The following ABL1 variants were observed in gnomAD, a reference collection of about 807,000 sequenced individuals.
ABL1 encodes ABL proto-oncogene 1, non-receptor tyrosine kinase.
A neutral mutation model predicts 94.7 loss-of-function variants in ABL1; 11 were observed. The observed-to-expected ratio is 0.12, with a 90% CI of 0.07 to 0.19. The LOEUF (loss-of-function observed/expected upper bound fraction) is 0.19. Among genes scored for constraint, ABL1 ranks in the 10% least tolerant of loss-of-function variants. ABL1 has a pLI of 1.00. For missense variants in ABL1, 1,082 were observed against 1,489.4 expected (o/e 0.73, Z 4.50); for synonymous variants, 656 against 622.4 (o/e 1.05, Z -0.80).
At chr9:130,742,972 AATT>A (rs1473049839) in intron 1 of ABL1, among the ~76,000 whole-genome samples, 1 of 152,218 alleles carries the variant, frequency 6.6e-6, no homozygotes, top group African/African-American at 2.4e-5. Flanking sequence ...GTTTCTAAAA[AATT>A]ATTATTAATG....
chr9:130,818,427 A>T (rs1225226442), intron 1 of ABL1, among the ~76,000 whole-genome samples: 1 of 152,184 alleles, frequency 6.6e-6, no homozygotes, highest in African/African-American at 2.4e-5. Context: ...CTGAGATCAT[A>T]CTGCTGCACT....
At position 130,854,933 on chromosome 9, in the gene ABL1, A is replaced by G; in HGVS notation, c.386A>G (p.His129Arg). ...VNSLEKHSWY[H>R]GPVSRNAAEY... is the part of the protein sequence containing the mutation. The stretch of plus-strand genomic sequence containing the variant: ...AGTCTGGAGAAACACTCCTGGTACC[A>G]TGGGCCTGTGTCCCGCAATGCCGCT... Residue 129 changes from histidine to arginine, a missense_variant, in exon 3 of 11, where the codon CAT (histidine) becomes CGT (arginine). Physicochemically the swap from His to Arg is conservative, Grantham distance 29. Coordinates refer to ENST00000318560, the MANE Select transcript of ABL1 (RefSeq NM_005157.6). 1.2e-6 allele frequency: 2 copies of G among 1,614,226 alleles called. No homozygotes were observed. The highest frequency in any genetic ancestry group is 1.7e-5 in the Admixed American group (1 of 60,022).
chr9:130,849,807 G>A (rs1050494527), intron 1 of ABL1, among the ~76,000 whole-genome samples: 9 of 152,158 alleles, frequency 5.9e-5, no homozygotes, highest in Non-Finnish European at 1.2e-4. Flanking sequence ...GTGAGCCACC[G>A]CACCTGGCCT....
intron 1 of ABL1, among the ~76,000 whole-genome samples, chr9:130,829,749 A>G (rs1035514261): frequency 6.6e-6 from 1 of 152,222 alleles, no homozygotes; most frequent in Admixed American, 6.5e-5. Flanking sequence ...AATAAAGGAA[A>G]CATTCATAGT....
chr9:130,783,414 A>G (rs1323715584), intron 1 of ABL1, among the ~76,000 whole-genome samples: 2 of 152,208 alleles, frequency 1.3e-5, no homozygotes, highest in African/African-American at 2.4e-5. Context: ...GTTCATAAAG[A>G]TGTATTCTGA....
At position 130,862,476 on chromosome 9, in the gene ABL1, G is replaced by A. The variant is rs1831089780; in HGVS notation, c.550-287G>A. ...AAACTGGCCTTGGAACGGGAAGCGA[G>A]AACTGGGCACGGAAGATGAGGGAGT... On this transcript the variant is annotated intron_variant, in intron 3 of 10. Transcript: ENST00000318560. This position sits in a 1 kb window ranked among gnomAD's most constrained non-coding sequence, Gnocchi z 5.5. Among the ~76,000 whole-genome samples the A allele has an allele frequency of 6.6e-6, 1 of 152,210 alleles. No individual in the cohort carries two copies. Among genetic ancestry groups the A allele is most frequent in the Non-Finnish European group, 1.5e-5 (1 of 68,040 alleles).
intron 1 of ABL1, among the ~76,000 whole-genome samples, chr9:130,773,749 G>A (rs1004441924): frequency 2.6e-5 from 4 of 151,008 alleles, no homozygotes; most frequent in Admixed American, 6.6e-5. Flanking sequence ...CCAAAATGCT[G>A]GGATTACAGA....
At chr9:130,807,985 C>T (rs1830151136) in intron 1 of ABL1, among the ~76,000 whole-genome samples, 1 of 150,768 alleles carries the variant, frequency 6.6e-6, no homozygotes, top group Non-Finnish European at 1.5e-5. Flanking sequence ...AGGCGTGAGC[C>T]ACTGTGCCTG....
rs532357040 is a variant in ABL1, at chr9:130,862,544, C to T, written c.550-219C>T. 6.6e-6 allele frequency among the ~76,000 whole-genome samples: 1 copy of T among 152,210 alleles called. No homozygotes were observed. Among genetic ancestry groups the T allele is most frequent in the South Asian group, 2.1e-4 (1 of 4,816 alleles). ...GGGAGCAGCAGCAGGTACAGAGGCC[C>T]TGAGGCCTTTTATTGTGTCTTTTTG... is the stretch of plus-strand genomic sequence containing the variant. On this transcript the variant is annotated intron_variant, in intron 3 of 10. Transcript: ENST00000318560. This position sits in a 1 kb window ranked among gnomAD's most constrained non-coding sequence, Gnocchi z 5.5.
intron 1 of ABL1, among the ~76,000 whole-genome samples, chr9:130,807,577 G>C (rs556353534): frequency 6.7e-6 from 1 of 149,368 alleles, no homozygotes; most frequent in Non-Finnish European, 1.5e-5. Flanking sequence ...TTACCCCCTT[G>C]CACATTTAAA....
At chr9:130,735,956 TATATA>T (rs1484681339) in intron 1 of ABL1, among the ~76,000 whole-genome samples, 1,693 of 92,616 alleles carry the variant, frequency 0.018, 38 homozygotes, top group East Asian at 0.023. Context: ...TATATATATA[TATATA>T]TTTTTTTTTT....
rs565494862 is a variant in ABL1, at chr9:130,829,999, G to C, written c.137-24065G>C. ...TCTCTGCGGAAACATACAGGGGAAA[G>C]GGATTGCTGTTTTTTATTACCAGAT... On this transcript the variant is annotated intron_variant, in intron 1 of 10. Coordinates refer to the ABL1 transcript ENST00000372348. Among the ~76,000 whole-genome samples the C allele has an allele frequency of 1.3e-5, 2 of 152,202 alleles. 1 individual carries two copies. Among genetic ancestry groups the C allele is most frequent in the South Asian group, 4.1e-4 (2 of 4,822 alleles).
intron 1 of ABL1, among the ~76,000 whole-genome samples, chr9:130,822,900 C>T (rs541394530): frequency 1.4e-4 from 22 of 152,002 alleles, no homozygotes; most frequent in African/African-American, 5.1e-4. Flanking sequence ...TGGGTTCAAG[C>T]GATTCTTCTG....
At chr9:130,735,955 ATATATAT>A (rs1172270435) in intron 1 of ABL1, among the ~76,000 whole-genome samples, 3 of 41,498 alleles carry the variant, frequency 7.2e-5, no homozygotes, top group African/African-American at 1.5e-4. Context: ...ATATATATAT[ATATATAT>A]TTTTTTTTTT....
chr9:130,851,656 C>T (rs1830866564), intron 1 of ABL1, among the ~76,000 whole-genome samples: 2 of 151,906 alleles, frequency 1.3e-5, no homozygotes, highest in African/African-American at 4.8e-5. Context: ...CGTGAGGATC[C>T]TCTAAATCCA....
In ABL1 at chr9:130,885,741, C is replaced by T. The variant is rs892502453; in HGVS notation, c.*58C>T. 7 of 1,543,840 alleles carry T rather than the reference C, an allele frequency of 4.5e-6. No homozygotes were observed. The highest frequency in any genetic ancestry group is 2.5e-5 in the South Asian group (2 of 78,648). Reference sequence around the variant, plus strand: ...GAGCTGCCTGCAGCACATGCGGGCTCGCCCATACCCGTGACAGTGGCTGAC... The same window carrying T: ...GAGCTGCCTGCAGCACATGCGGGCTTGCCCATACCCGTGACAGTGGCTGAC... On this transcript the variant is annotated 3_prime_UTR_variant, in exon 11 of 11. Transcript: ENST00000318560.
chr9:130,807,681 T>C (rs1337999460), intron 1 of ABL1, among the ~76,000 whole-genome samples: 1 of 132,562 alleles, frequency 7.5e-6, no homozygotes, highest in Non-Finnish European at 1.5e-5. Context: ...TATATATATA[T>C]ATATATATAT....
chr9:130,772,774 G>C (rs17147229), intron 1 of ABL1, among the ~76,000 whole-genome samples: 3,921 of 152,342 alleles, frequency 0.026, 111 homozygotes, highest in African/African-American at 0.063. Flanking sequence ...CCAACTGAAT[G>C]CTTGCCCAAG....
intron 3 of ABL1, among the ~76,000 whole-genome samples, chr9:130,861,179 A>G (rs2132969778): frequency 6.6e-6 from 1 of 152,330 alleles, no homozygotes; most frequent in South Asian, 2.1e-4. Flanking sequence ...TCCCCAGGCC[A>G]CAGTCCTTAC....
Sources: gnomAD v4.1 joint callset for allele counts (sites outside exome capture counted in the v4.1 genomes callset) on GRCh38, gnomAD v4.1.1 for gene constraint, Gnocchi (gnomAD v3.1) non-coding constraint, MANE v1.5 for transcripts, NCBI Gene and HGNC (gene_info 2026-07-23, HGNC 2026-07-21) for gene names.